The following WRN variants were observed in gnomAD, a reference collection of about 807,000 sequenced individuals.
WRN encodes the protein bifunctional 3'-5' exonuclease/ATP-dependent helicase WRN.
A neutral mutation model predicts 180.7 loss-of-function variants in WRN; 149 were observed. The observed-to-expected ratio is 0.82, with a 90% confidence interval of 0.72 to 0.94. The LOEUF (loss-of-function observed/expected upper bound fraction) is 0.94, where lower values mean the gene tolerates loss of function less well. WRN is among the 40% of genes least tolerant of loss of function. The pLI, the probability that WRN is intolerant of heterozygous loss-of-function variation, is 0.00. For missense variants in WRN, 1,661 were observed against 1,700.1 expected (o/e 0.98, Z 0.40); for synonymous variants, 548 against 568.9 (o/e 0.96, Z 0.52).
intron 23 of WRN, among the ~76,000 whole-genome samples, chr8:31,129,909 G>A (rs1374117822): frequency 6.6e-6 from 1 of 150,696 alleles, no homozygotes; most frequent in Non-Finnish European, 1.5e-5. Flanking sequence ...GGAGGCTGAG[G>A]CAGGAGAATC....
In WRN at chr8:31,081,170, C is replaced by T. The variant is rs1585428126; in HGVS notation, c.1143C>T (p.Asn381=). The change falls in exon 9 of 35, where the codon AAC becomes AAT. Residue 381 remains asparagine (N), a synonymous_variant. Transcript: ENST00000298139. ...EDGFEDGVED[N]KLKENMERAC... is the part of the protein sequence containing the mutation. Reference sequence around the variant, plus strand: ...GATTTGAAGATGGAGTAGAAGACAACAAATTGAAAGAGAATATGGAAAGAG... The same window carrying T: ...GATTTGAAGATGGAGTAGAAGACAATAAATTGAAAGAGAATATGGAAAGAG... 2 of 1,613,878 alleles carry T rather than the reference C, an allele frequency of 1.2e-6. No individual in the cohort carries two copies. The highest frequency in any genetic ancestry group is 8.5e-7 in the Non-Finnish European group (1 of 1,179,934).
Position 31,101,579 on chromosome 8 carries a change from G to T in WRN, c.2088+624G>T, listed in dbSNP as rs150208379. Reference sequence around the variant, plus strand: ...AGGTGGGTGGATCACCTGAGGTCAGGAGTTCGAGACCAGCCTGGTCAACAT... The same window carrying T: ...AGGTGGGTGGATCACCTGAGGTCAGTAGTTCGAGACCAGCCTGGTCAACAT... On this transcript the variant is annotated intron_variant, in intron 18 of 34. Coordinates refer to ENST00000298139, the MANE Select transcript of WRN (RefSeq NM_000553.6). Among the ~76,000 whole-genome samples the T allele has an allele frequency of 8.5e-3, 1,296 of 152,150 alleles. 20 individuals are homozygous for T. The highest frequency in any genetic ancestry group is 0.03 in the African/African-American group (1,247 of 41,484).
At chr8:31,127,785 A>AT (rs1316805010) in intron 23 of WRN, among the ~76,000 whole-genome samples, 1 of 152,038 alleles carries the variant, frequency 6.6e-6, no homozygotes, top group Non-Finnish European at 1.5e-5. Flanking sequence ...TTAGCTAGGC[A>AT]TAGCATTATG....
At chr8:31,161,924 G>A (rs960499227) in intron 33 of WRN, among the ~76,000 whole-genome samples, 1 of 151,906 alleles carries the variant, frequency 6.6e-6, no homozygotes, top group Non-Finnish European at 1.5e-5. Context: ...GAGTTGCTCT[G>A]GGTAAGTCAG....
chr8:31,089,903 G>T (rs1813674128), intron 13 of WRN, among the ~76,000 whole-genome samples: 1 of 151,756 alleles, frequency 6.6e-6, no homozygotes, highest in Non-Finnish European at 1.5e-5. Context: ...ATGCATCTCA[G>T]GGTCAATCGA....
At position 31,173,169 on chromosome 8, in the gene WRN, G is replaced by T. The variant is rs1804168153; in HGVS notation, c.*67G>T. 1.4e-6 allele frequency: 2 copies of T among 1,430,028 alleles called. No homozygotes were observed. The highest frequency in any genetic ancestry group is 2.8e-5 in the African/African-American group (2 of 70,346). 88.6% of individuals were successfully genotyped at this position (1,430,028 alleles called of 1,614,324 possible). A position where few individuals can be genotyped will look rare whatever the true frequency, so the allele number is the denominator to read the frequency against. Reference sequence around the variant, plus strand: ...AAGAGGATAGCTATATTTTATTTCTGAAGAGTAAGGAGTAGTATTTTGGCT... The same window carrying T: ...AAGAGGATAGCTATATTTTATTTCTTAAGAGTAAGGAGTAGTATTTTGGCT... On this transcript the variant is annotated 3_prime_UTR_variant, in exon 35 of 35. Coordinates refer to ENST00000298139, the MANE Select transcript of WRN (RefSeq NM_000553.6).
At chr8:31,154,588 T>C (rs971675482) in intron 31 of WRN, 36 bp from the exon 32 acceptor site, 1 of 1,584,716 alleles carries the variant, frequency 6.3e-7, no homozygotes, top group Non-Finnish European at 8.6e-7. Context: ...TGTATTGATA[T>C]TACTGATCAT....
At chr8:31,042,664 T>C (rs1638352034) in intron 1 of WRN, among the ~76,000 whole-genome samples, 1 of 152,220 alleles carries the variant, frequency 6.6e-6, no homozygotes, top group Admixed American at 6.5e-5. Context: ...GCTGCTTCTT[T>C]GTCTAGTTTT....
intron 16 of WRN, among the ~76,000 whole-genome samples, chr8:31,096,476 A>C (rs1813982275): frequency 6.6e-6 from 1 of 152,202 alleles, no homozygotes; most frequent in South Asian, 2.1e-4. Context: ...ACTCAAAAGA[A>C]ATTAGCCAGC....
At chr8:31,044,598 G>A (rs555448525) in intron 1 of WRN, among the ~76,000 whole-genome samples, 13 of 152,036 alleles carry the variant, frequency 8.6e-5, no homozygotes, top group African/African-American at 2.4e-4. Context: ...TACGTGATCC[G>A]CCTGCCTCGG....
intron 16 of WRN, among the ~76,000 whole-genome samples, chr8:31,095,024 A>G (rs949740859): frequency 1.3e-5 from 2 of 152,172 alleles, no homozygotes; most frequent in South Asian, 2.1e-4. Flanking sequence ...TTAAGAAACT[A>G]TGAAGCTTTT....
At chr8:31,135,625 C>G (rs1802369097) in intron 24 of WRN, among the ~76,000 whole-genome samples, 1 of 152,086 alleles carries the variant, frequency 6.6e-6, no homozygotes, top group Admixed American at 6.5e-5. Flanking sequence ...GAAGGTATCA[C>G]TAGAACTTCC....
chr8:31,081,666 T>C lies in WRN; in HGVS notation c.1269+370T>C, dbSNP rs183375397. The stretch of plus-strand genomic sequence containing the variant: ...ATGCTTTTTTCATAATAGATGTCTC[T>C]GCTTTTTGTGGATTCTCTTCATATC... On this transcript the variant is annotated intron_variant, in intron 9 of 34. Transcript: ENST00000298139. Among the ~76,000 whole-genome samples, 146 of 152,356 alleles carry C rather than the reference T, an allele frequency of 9.6e-4. 1 individual carries two copies. The highest frequency in any genetic ancestry group is 5.2e-3 in the South Asian group (25 of 4,826).
intron 21 of WRN, among the ~76,000 whole-genome samples, chr8:31,122,416 G>A (rs1017904054): frequency 5.3e-5 from 8 of 151,958 alleles, no homozygotes; most frequent in Non-Finnish European, 8.8e-5. Flanking sequence ...CTATCACTGA[G>A]AGAAGAAACT....
In WRN at chr8:31,111,623, C is replaced by T. The variant is rs777423206; in HGVS notation, c.2097C>T (p.Ile699=). ...SLKTALPMVP[I]VALTATASSS... ...AGTTTTACATCATTCAGGTTCCAAT[C>T]GTTGCACTTACTGCTACTGCAAGTT... The change falls in exon 19 of 35, where the codon ATC becomes ATT. Residue 699 remains isoleucine, a synonymous_variant. Transcript: ENST00000298139. 13 of 1,613,820 alleles carry T rather than the reference C, an allele frequency of 8.1e-6. No homozygotes were observed. The highest frequency in any genetic ancestry group is 6.6e-5 in the South Asian group (6 of 91,060).
At chr8:31,131,209 G>A (rs1016166680) in intron 23 of WRN, among the ~76,000 whole-genome samples, 3 of 132,070 alleles carry the variant, frequency 2.3e-5, no homozygotes, top group East Asian at 2.5e-4. Flanking sequence ...CTGGAGTGTA[G>A]TGGTGGCCCA....
At chr8:31,160,203 C>T (rs1040975295) in intron 33 of WRN, among the ~76,000 whole-genome samples, 6 of 152,150 alleles carry the variant, frequency 3.9e-5, no homozygotes, top group East Asian at 1.9e-4. Context: ...GATAACTTCC[C>T]GTGCAGATCT....
At position 31,173,006 on chromosome 8, in the gene WRN, A is replaced by G. The variant is rs777881622; in HGVS notation, c.4203A>G (p.Ala1401=). ...EVGINTETSS[A]ERKRRLPVWF... The stretch of plus-strand genomic sequence containing the variant: ...TCTATTTCCTACAGACTTCATCTGC[A>G]GAGAGAAAGAGACGATTACCTGTGT... Residue 1401 remains alanine (A), a synonymous_variant, in exon 35 of 35, where the codon GCA becomes GCG. Coordinates refer to ENST00000298139, the MANE Select transcript of WRN (RefSeq NM_000553.6). 1.4e-5 allele frequency: 22 copies of G among 1,613,912 alleles called. No individual in the cohort carries two copies. Among genetic ancestry groups the G allele is most frequent in the Non-Finnish European group, 1.9e-5 (22 of 1,179,898 alleles).
chr8:31,151,541 T>G (rs771227051), intron 31 of WRN, among the ~76,000 whole-genome samples: 4 of 152,230 alleles, frequency 2.6e-5, no homozygotes, highest in Non-Finnish European at 4.4e-5. Flanking sequence ...GAAATTATAA[T>G]GTCTTAATAG....
Sources: allele counts gnomAD v4.1 joint callset (sites outside exome capture counted in the v4.1 genomes callset), GRCh38; gene constraint gnomAD v4.1.1; transcripts MANE v1.5; gene names NCBI Gene and HGNC (gene_info 2026-07-23, HGNC 2026-07-21).